Variants in MICU2 observed in about 807,000 individuals in gnomAD.
MICU2 encodes calcium uptake protein 2, mitochondrial.
Under a neutral mutation model 60.4 loss-of-function variants are expected in MICU2, and 64 were observed. That is an observed-to-expected ratio of 1.06 (90% CI 0.87 to 1.31). MICU2 has a LOEUF of 1.31. MICU2 is among the 50% of genes most tolerant of loss of function. The pLI, the probability that MICU2 is intolerant of heterozygous loss-of-function variation, is 0.00. For missense variants in MICU2, 569 were observed against 531.0 expected, an observed-to-expected ratio of 1.07 and a Z score of -0.70; for synonymous variants, 201 against 175.0, an observed-to-expected ratio of 1.15 and a Z score of -1.17.
At chr13:21,494,772 C>T (rs1885950379) in intron 11 of MICU2, among the ~76,000 whole-genome samples, 2 of 152,130 alleles carry the variant, frequency 1.3e-5, no homozygotes, top group Admixed American at 1.3e-4. Context: ...AAGTGATCCA[C>T]CCGGCTCGGC....
At position 21,502,767 on chromosome 13, in the gene MICU2, T is replaced by TC. The variant is rs1453321230; in HGVS notation, c.933+158dup. The TC allele has an allele frequency of 2.8e-5, 18 of 644,870 alleles. No individual in the cohort carries two copies. In the African/African-American group the frequency reaches 3.4e-4, roughly 12 times the overall value. The allele number at this position is 644,870 out of a possible 1,614,324, so 39.9% of individuals were successfully genotyped here. ...ACACTGATTCTGTCTTAGGCAGTTT[T>TC]CCTTTACAGGAGAAGAGCATGTAGA... On this transcript the variant is annotated intron_variant, in intron 9 of 11. Coordinates refer to ENST00000382374, the MANE Select transcript of MICU2 (RefSeq NM_152726.3).
At chr13:21,519,036 C>T (rs1886650994) in intron 6 of MICU2, among the ~76,000 whole-genome samples, 1 of 152,144 alleles carries the variant, frequency 6.6e-6, no homozygotes, top group African/African-American at 2.4e-5. Flanking sequence ...TACCTAGCTG[C>T]CCACTTTTTA....
chr13:21,578,398 G>A (rs1888274217), intron 1 of MICU2, among the ~76,000 whole-genome samples: 1 of 152,234 alleles, frequency 6.6e-6, no homozygotes, highest in East Asian at 1.9e-4. Context: ...ACTAGTCTAG[G>A]GAACACAGGG....
intron 9 of MICU2, among the ~76,000 whole-genome samples, chr13:21,500,186 A>T (rs1886110577): frequency 6.6e-6 from 1 of 152,174 alleles, no homozygotes; most frequent in Non-Finnish European, 1.5e-5. Flanking sequence ...GGGGGAACTG[A>T]CACAAATATG....
At chr13:21,600,155 C>CT (rs1419022348) in intron 1 of MICU2, among the ~76,000 whole-genome samples, 1 of 152,184 alleles carries the variant, frequency 6.6e-6, no homozygotes, top group Non-Finnish European at 1.5e-5. Flanking sequence ...TGGCTTCCTG[C>CT]TGTCCTCAAG....
At chr13:21,494,094 G>A (rs1448807931) in intron 11 of MICU2, among the ~76,000 whole-genome samples, 3 of 152,178 alleles carry the variant, frequency 2.0e-5, no homozygotes, top group African/African-American at 7.2e-5. Context: ...ATTGTGAACT[G>A]AAAAGACTGG....
At chr13:21,506,979 G>A (rs1041415183) in intron 8 of MICU2, among the ~76,000 whole-genome samples, 1 of 152,134 alleles carries the variant, frequency 6.6e-6, no homozygotes, top group Admixed American at 6.5e-5. Context: ...GCAAGCTTTT[G>A]AAAATATTAT....
chr13:21,601,793 C>G (rs947038534), intron 1 of MICU2, among the ~76,000 whole-genome samples: 1 of 152,144 alleles, frequency 6.6e-6, no homozygotes, highest in African/African-American at 2.4e-5. Context: ...ATAAAAGGCT[C>G]TGAAAGACAA....
intron 8 of MICU2, among the ~76,000 whole-genome samples, chr13:21,505,297 G>A (rs1168573047): frequency 1.3e-5 from 2 of 152,148 alleles, no homozygotes; most frequent in African/African-American, 4.8e-5. Context: ...TAGGAGAGAA[G>A]AGTAAAAAAG....
intron 1 of MICU2, chr13:21,602,835 T>G (rs943325657): frequency 1.3e-5 from 2 of 152,192 alleles, no homozygotes; most frequent in Admixed American, 6.5e-5. Context: ...AAGAAAATAA[T>G]AAACTACTAC....
chr13:21,537,993 T>A (rs1037014863), intron 4 of MICU2, among the ~76,000 whole-genome samples: 2 of 152,164 alleles, frequency 1.3e-5, no homozygotes, highest in African/African-American at 4.8e-5. Flanking sequence ...TTTGTCCTAT[T>A]CATACTTCCT....
In MICU2 at chr13:21,539,556, C is replaced by A. The variant is rs532882116; in HGVS notation, c.390+101G>T. On this transcript the variant is annotated intron_variant, in intron 3 of 11. Transcript: ENST00000382374. ...CTCGTGATCCGCCCACCTTGGCCTC[C>A]CAAAGTGCTGGGATTACAGGTGTGA... is the stretch of plus-strand genomic sequence containing the variant. The A allele has an allele frequency of 1.3e-4, 192 of 1,513,054 alleles. No homozygotes were observed. The African/African-American group carries it at 2.5e-3, about 19-fold the overall frequency. 93.7% of individuals were successfully genotyped at this position (1,513,054 alleles called of 1,614,324 possible).
At chr13:21,516,109 C>T (rs1185384762) in intron 6 of MICU2, among the ~76,000 whole-genome samples, 2 of 152,036 alleles carry the variant, frequency 1.3e-5, no homozygotes, top group African/African-American at 4.8e-5. Flanking sequence ...CTCCCTGTTC[C>T]CCTCCCAATT....
chr13:21,508,368 A>G (rs1814961461), intron 8 of MICU2, among the ~76,000 whole-genome samples: 1 of 151,802 alleles, frequency 6.6e-6, no homozygotes, highest in African/African-American at 2.4e-5. Context: ...CTCGTGATCC[A>G]CCACCTCGGC....
At chr13:21,546,061 T>A (rs139700428) in intron 2 of MICU2, among the ~76,000 whole-genome samples, 1 of 152,170 alleles carries the variant, frequency 6.6e-6, no homozygotes, top group Non-Finnish European at 1.5e-5. Flanking sequence ...ACATTTTAAG[T>A]GGTAACTGAA....
chr13:21,533,275 T>C (rs529175268), intron 4 of MICU2, among the ~76,000 whole-genome samples: 48 of 151,984 alleles, frequency 3.2e-4, no homozygotes, highest in Non-Finnish European at 6.2e-4. Flanking sequence ...ATTCTGAGTA[T>C]AGAATGATTT....
At chr13:21,527,605 C>T (rs751713194) in intron 4 of MICU2, among the ~76,000 whole-genome samples, 6 of 152,058 alleles carry the variant, frequency 3.9e-5, no homozygotes, top group African/African-American at 9.7e-5. Context: ...AACTGACACA[C>T]GAGAATATTG....
intron 8 of MICU2, among the ~76,000 whole-genome samples, chr13:21,506,877 T>C (rs539311263): frequency 6.6e-6 from 1 of 152,238 alleles, no homozygotes; most frequent in Non-Finnish European, 1.5e-5. Flanking sequence ...TATAACATTA[T>C]ACTCCCAGAA....
At chr13:21,519,921 A>C (rs540193901) in intron 6 of MICU2, among the ~76,000 whole-genome samples, 79 of 152,320 alleles carry the variant, frequency 5.2e-4, no homozygotes, top group African/African-American at 1.8e-3. Context: ...ATGAGTTTTG[A>C]CAAATTTATA....
Sources: gnomAD v4.1 joint callset for allele counts (sites outside exome capture counted in the v4.1 genomes callset) on GRCh38, gnomAD v4.1.1 for gene constraint, MANE v1.5 for transcripts, NCBI Gene and HGNC (gene_info 2026-07-23, HGNC 2026-07-21) for gene names.